The following PTPRD variants were observed in gnomAD, a reference collection of about 807,000 sequenced individuals.
PTPRD encodes protein tyrosine phosphatase receptor type D.
PTPRD carries 34 observed loss-of-function variants against 214.5 expected under a neutral mutation model. That is an observed-to-expected ratio of 0.16 (90% confidence interval 0.12 to 0.21). The LOEUF (loss-of-function observed/expected upper bound fraction) is 0.21, where lower values mean the gene tolerates loss of function less well. Among genes scored for constraint, PTPRD ranks in the 10% least tolerant of loss-of-function variants. The pLI, the probability that PTPRD is intolerant of heterozygous loss-of-function variation, is 1.00. For missense variants in PTPRD, 2,545 were observed against 2,398.7 expected (o/e 1.06, Z -1.27); for synonymous variants, 1,128 against 845.7 (o/e 1.33, Z -5.79).
chr9:9,790,643 A>C (rs950400293), intron 5 of PTPRD, among the ~76,000 whole-genome samples: 1 of 152,198 alleles, frequency 6.6e-6, no homozygotes, highest in Non-Finnish European at 1.5e-5. Context: ...AACAAAGAAA[A>C]ATAACAAGGA....
At chr9:9,762,479 C>G (rs2098667241) in intron 6 of PTPRD, among the ~76,000 whole-genome samples, 1 of 152,170 alleles carries the variant, frequency 6.6e-6, no homozygotes, top group South Asian at 2.1e-4. Context: ...TTCAATTCCT[C>G]TCTCTCCTCT....
chr9:9,666,693 T>A (rs917546022), intron 7 of PTPRD, among the ~76,000 whole-genome samples: 4 of 152,170 alleles, frequency 2.6e-5, no homozygotes, highest in East Asian at 1.9e-4. Context: ...TTCAACTGTC[T>A]TGTGGCAGTA....
At chr9:9,202,295 G>A (rs1356525795) in intron 9 of PTPRD, among the ~76,000 whole-genome samples, 1 of 152,126 alleles carries the variant, frequency 6.6e-6, no homozygotes, top group Non-Finnish European at 1.5e-5. Flanking sequence ...TTAACCCGAA[G>A]TCCCTATGCA....
intron 4 of PTPRD, among the ~76,000 whole-genome samples, chr9:9,996,043 G>A (rs1029227178): frequency 2.0e-5 from 3 of 151,814 alleles, no homozygotes; most frequent in Admixed American, 6.6e-5. Flanking sequence ...TTTCCAGCTC[G>A]AGTCTCATTT....
At position 10,201,266 on chromosome 9, in the gene PTPRD, C is replaced by T. The variant is rs544361820; in HGVS notation, c.-545+139697G>A. The stretch of plus-strand genomic sequence containing the variant: ...GGTGTGAAACATTGATTTAGAAAAT[C>T]TGATAAGATAAAGTCACTTAAAAGA... On this transcript the variant is annotated intron_variant, in intron 3 of 45. Transcript: ENST00000381196. Among the ~76,000 whole-genome samples, 4 of 151,924 alleles carry T rather than the reference C, an allele frequency of 2.6e-5. No individual in the cohort carries two copies. The South Asian group carries it at 8.3e-4, about 32-fold the overall frequency.
intron 9 of PTPRD, among the ~76,000 whole-genome samples, chr9:9,234,848 T>C (rs1198857234): frequency 6.6e-6 from 1 of 152,200 alleles, no homozygotes; most frequent in African/African-American, 2.4e-5. Flanking sequence ...TCTAGGAAGT[T>C]CCAGACTTTC....
intron 35 of PTPRD, among the ~76,000 whole-genome samples, chr9:8,407,754 C>T (rs142819711): frequency 3.9e-5 from 6 of 152,302 alleles, no homozygotes; most frequent in East Asian, 3.9e-4. Flanking sequence ...TCGTTTTACA[C>T]GGATCAAACA....
intron 3 of PTPRD, among the ~76,000 whole-genome samples, chr9:10,132,952 A>T (rs1267365440): frequency 8.1e-5 from 4 of 49,496 alleles, no homozygotes; most frequent in Non-Finnish European, 1.7e-4. Context: ...GTCACTTCCA[A>T]GATTGTTATT....
intron 12 of PTPRD, among the ~76,000 whole-genome samples, chr9:8,690,046 T>G (rs2097770632): frequency 6.6e-6 from 1 of 150,640 alleles, no homozygotes; most frequent in Non-Finnish European, 1.5e-5. Context: ...AGGGGGAGGT[T>G]GCAGTAAGCC....
intron 11 of PTPRD, among the ~76,000 whole-genome samples, chr9:8,948,250 C>A (rs866268782): frequency 1.3e-4 from 19 of 147,990 alleles, no homozygotes; most frequent in African/African-American, 4.7e-4. Context: ...CATCTCTTGA[C>A]CTTGTGATCT....
intron 42 of PTPRD, among the ~76,000 whole-genome samples, chr9:8,339,913 C>CCAA (rs1417557130): frequency 6.6e-6 from 1 of 151,722 alleles, no homozygotes; most frequent in Non-Finnish European, 1.5e-5. Context: ...ATGTTGCTTT[C>CCAA]CAACACTTTA....
intron 7 of PTPRD, among the ~76,000 whole-genome samples, chr9:9,637,859 C>T (rs2154363676): frequency 6.6e-6 from 1 of 152,276 alleles, no homozygotes; most frequent in East Asian, 1.9e-4. Context: ...CACTGAGACT[C>T]TCTGAGGCAT....
At chr9:8,319,319 T>A (rs1824950020) in intron 45 of PTPRD, among the ~76,000 whole-genome samples, 1 of 152,044 alleles carries the variant, frequency 6.6e-6, no homozygotes, top group Non-Finnish European at 1.5e-5. Context: ...ATTTCCATAT[T>A]AATTATTGGA....
chr9:9,070,241 G>A (rs938914703), intron 10 of PTPRD, among the ~76,000 whole-genome samples: 3 of 152,134 alleles, frequency 2.0e-5, no homozygotes, highest in African/African-American at 2.4e-5. Flanking sequence ...ATTCAAAGAC[G>A]CCAACTTGTC....
intron 20 of PTPRD, among the ~76,000 whole-genome samples, chr9:8,519,522 C>T (rs1050098332): frequency 3.3e-5 from 5 of 152,114 alleles, no homozygotes; most frequent in African/African-American, 9.7e-5. Flanking sequence ...TCCCTGTTTC[C>T]TTGCCAACAT....
rs74678385 is a variant in PTPRD, at chr9:8,373,522, T to C, written c.4661+2414A>G. Among the ~76,000 whole-genome samples, 1,237 of 152,046 alleles carry C rather than the reference T, an allele frequency of 8.1e-3. 19 individuals are homozygous for C. The highest frequency in any genetic ancestry group is 0.028 in the African/African-American group (1,144 of 41,482). ...CTTCCAAATGTCAGCAGCTATTAGC[T>C]CAGCACATTCATCTTTGTTTCCTTA... On this transcript the variant is annotated intron_variant, in intron 39 of 45. Coordinates refer to ENST00000381196, the MANE Select transcript of PTPRD (RefSeq NM_002839.4).
chr9:9,930,855 T>C (rs2086246265), intron 5 of PTPRD, among the ~76,000 whole-genome samples: 1 of 152,144 alleles, frequency 6.6e-6, no homozygotes, highest in South Asian at 2.1e-4. Flanking sequence ...CATTTCTGTA[T>C]GGTTACCCTT....
chr9:8,615,638 T>A (rs2095587287), intron 14 of PTPRD, among the ~76,000 whole-genome samples: 1 of 152,118 alleles, frequency 6.6e-6, no homozygotes, highest in Non-Finnish European at 1.5e-5. Flanking sequence ...TTCGTACACA[T>A]AAAATCCAGC....
intron 7 of PTPRD, among the ~76,000 whole-genome samples, chr9:9,664,677 G>A (rs1018018155): frequency 2.0e-5 from 3 of 151,644 alleles, no homozygotes; most frequent in South Asian, 2.1e-4. Flanking sequence ...TTAATGCATG[G>A]ACAGATCACT....
Sources: allele counts gnomAD v4.1 joint callset (sites outside exome capture counted in the v4.1 genomes callset), GRCh38; gene constraint gnomAD v4.1.1; transcripts MANE v1.5; gene names NCBI Gene and HGNC (gene_info 2026-07-23, HGNC 2026-07-21).